KRT18: variants seen among roughly 807,000 people sequenced by gnomAD.
The protein encoded by KRT18 is keratin, type I cytoskeletal 18.
A neutral mutation model predicts 39.9 loss-of-function variants in KRT18; 8 were observed. The observed-to-expected ratio is 0.20, with a 90% CI of 0.12 to 0.36. The LOEUF (loss-of-function observed/expected upper bound fraction) is 0.36, where lower values mean the gene tolerates loss of function less well. KRT18 is among the 10% of genes least tolerant of loss of function. The pLI is 1.00. For synonymous variants in KRT18, 194 were observed against 227.8 expected, an observed-to-expected ratio of 0.85 and a Z score of 1.33; for missense variants, 396 against 565.7, an observed-to-expected ratio of 0.70 and a Z score of 3.04.
At chr12:52,949,055 C>A (rs1942406252), upstream of KRT18, 3 of 966,836 alleles carry the variant, frequency 3.1e-6, no homozygotes, top group Non-Finnish European at 4.8e-6. Flanking sequence ...GCTTCCGAAG[C>A]GGCTCCGGGG....
upstream of KRT18, chr12:52,949,104 C>T: frequency 7.4e-7 from 1 of 1,344,880 alleles, no homozygotes; most frequent in Non-Finnish European, 1.0e-6. Context: ...ACTCGGGTCG[C>T]GCGGCTCGCG....
At chr12:52,951,368 T>TC in intron 3 of KRT18, 113 bp from the exon 4 acceptor site, 1 of 1,100,726 alleles carries the variant, frequency 9.1e-7, no homozygotes, top group Non-Finnish European at 1.4e-6. Flanking sequence ...GCCAAGGGGT[T>TC]CCTCCTGTCT....
rs1419650380 is a variant in KRT18 at position 52,952,356 on chromosome 12, T to TC, written c.1172+16dup. The TC allele has an allele frequency of 6.6e-7, 1 of 1,518,436 alleles. No individual in the cohort carries two copies. The highest frequency in any genetic ancestry group is 9.0e-7 in the Non-Finnish European group (1 of 1,105,052). 94.1% of individuals were successfully genotyped at this position (1,518,436 alleles called of 1,614,324 possible). ...CGAGGACTTTAAGTGAGTGGGGCTC[T>TC]CCTACCCACACGTGCTGGGATCAGG... is the stretch of plus-strand genomic sequence containing the variant. On this transcript the variant is annotated intron_variant, in intron 6 of 6. Coordinates refer to ENST00000388835, the MANE Select transcript of KRT18 (RefSeq NM_000224.3).
rs1044002535 is a variant in KRT18 at position 52,952,311 on chromosome 12, C to T, written c.1141C>T (p.Arg381Cys). 6 of 1,606,778 alleles carry T rather than the reference C, an allele frequency of 3.7e-6. No individual in the cohort carries two copies. The highest frequency in any genetic ancestry group is 2.7e-5 in the African/African-American group (2 of 75,008). The stretch of plus-strand genomic sequence containing the variant: ...GCTGGAGGCTGAGATCGCCACCTAC[C>T]GCCGCCTGCTGGAAGATGGCGAGGA... ...VKLEAEIATYRRLLEDGEDFN... is the reference protein window; with the variant it reads ...VKLEAEIATYCRLLEDGEDFN... The change falls in exon 6 of 7, where the codon CGC becomes TGC. Residue 381 changes from arginine (R) to cysteine (C), a missense_variant. Physicochemically the swap from Arg to Cys is radical, Grantham distance 180. Coordinates refer to ENST00000388835, the MANE Select transcript of KRT18 (RefSeq NM_000224.3).
chr12:52,951,807 G>C lies in KRT18; in HGVS notation c.899G>C (p.Arg300Thr), dbSNP rs749749094. The C allele has an allele frequency of 1.2e-6, 2 of 1,610,954 alleles. No homozygotes were observed. The highest frequency in any genetic ancestry group is 1.7e-6 in the Non-Finnish European group (2 of 1,180,012). Residue 300 changes from arginine to threonine, a missense_variant, in exon 5 of 7, where the codon AGA becomes ACA. Physicochemically the swap from Arg to Thr is moderately conservative, Grantham distance 71 (BLOSUM62 -1). Coordinates refer to ENST00000388835, the MANE Select transcript of KRT18 (RefSeq NM_000224.3). ...GAAETTLTEL[R>T]RTVQSLEIDL... Reference sequence around the variant, plus strand: ...GCTGAGACGACGCTCACAGAGCTGAGACGTACAGTCCAGTCCTTGGAGATC... The same window carrying C: ...GCTGAGACGACGCTCACAGAGCTGACACGTACAGTCCAGTCCTTGGAGATC...
chr12:52,951,863 G>T lies in KRT18; in HGVS notation c.948+7G>T, dbSNP rs1271444019. 1 of 1,604,638 alleles carries T rather than the reference G, an allele frequency of 6.2e-7. No individual in the cohort carries two copies. ...GGACTCCATGAGAAATCTGGTGAGT[G>T]CCTTCACATCACCTGCCCAGCTCCT... On this transcript the variant is annotated splice_region_variant and intron_variant, in intron 5 of 6. Transcript: ENST00000388835.
At chr12:52,950,995 G>A in intron 3 of KRT18, 89 bp downstream of exon 3, 1 of 1,271,602 alleles carries the variant, frequency 7.9e-7, no homozygotes, top group South Asian at 1.3e-5. Context: ...ACTGCAAGTA[G>A]CCTTGCTAAG....
intron 2 of KRT18, 154 bp from the exon 3 acceptor site, chr12:52,950,596 A>G (rs1176323575): frequency 8.3e-6 from 7 of 846,550 alleles, no homozygotes; most frequent in South Asian, 1.5e-5. Context: ...ACTGTCCTCC[A>G]AGTGCCAAGA....
chr12:52,951,755 A>C lies in KRT18; in HGVS notation c.847A>C (p.Thr283Pro). 1 of 1,613,442 alleles carries C rather than the reference A, an allele frequency of 6.2e-7. No individual in the cohort carries two copies. The highest frequency in any genetic ancestry group is 8.5e-7 in the Non-Finnish European group (1 of 1,180,004). The change falls in exon 5 of 7, where the codon ACC becomes CCC. Residue 283 changes from threonine (T) to proline (P), a missense_variant. By Grantham distance (38) the Thr-to-Pro change is conservative (BLOSUM62 -1). Transcript: ENST00000388835. Reference sequence around the variant, plus strand: ...GATTGAGGAGAGCACCACAGTGGTCACCACACAGTCTGCTGAGGTTGGAGC... The same window carrying C: ...GATTGAGGAGAGCACCACAGTGGTCCCCACACAGTCTGCTGAGGTTGGAGC... Reference protein sequence around the residue: ...QQIEESTTVVTTQSAEVGAAE... With the variant: ...QQIEESTTVVPTQSAEVGAAE...
chr12:52,950,552 T>C, intron 2 of KRT18, 142 bp downstream of exon 2: 1 of 830,802 alleles, frequency 1.2e-6, no homozygotes, highest in Non-Finnish European at 2.1e-6. Flanking sequence ...GTGTATTCAT[T>C]TAACTGTTCA....
At position 52,949,513 on chromosome 12, in the gene KRT18, G is replaced by A; in HGVS notation, c.340G>A (p.Glu114Lys). The A allele has an allele frequency of 6.2e-7, 1 of 1,613,616 alleles. No homozygotes were observed. The highest frequency in any genetic ancestry group is 8.5e-7 in the Non-Finnish European group (1 of 1,180,034). ...CCGGAGGCTGGAGAGCAAAATCCGG[G>A]AGCACTTGGAGAAGAAGGGACCCCA... ...ENRRLESKIR[E>K]HLEKKGPQVR... The change falls in exon 1 of 7, where the codon GAG (glutamate) becomes AAG (lysine). Residue 114 changes from glutamate (E) to lysine (K), a missense_variant. Coordinates refer to ENST00000388835, the MANE Select transcript of KRT18 (RefSeq NM_000224.3).
chr12:52,949,697 G>T lies in KRT18; in HGVS notation c.417+107G>T. On this transcript the variant is annotated intron_variant, in intron 1 of 6. Coordinates refer to ENST00000388835, the MANE Select transcript of KRT18 (RefSeq NM_000224.3). ...TAACCACCCAACCCCTACTCCACCGGGAGGGGGTTGGGCATACCTGGATTT... is the reference window on the plus strand; with the variant it reads ...TAACCACCCAACCCCTACTCCACCGTGAGGGGGTTGGGCATACCTGGATTT... The T allele has an allele frequency of 9.7e-7, 1 of 1,029,892 alleles. No homozygotes were observed. Among genetic ancestry groups the T allele is most frequent in the South Asian group, 1.3e-5 (1 of 75,320 alleles). 63.8% of individuals were successfully genotyped at this position (1,029,892 alleles called of 1,614,324 possible). A position where few individuals can be genotyped will look rare whatever the true frequency, so the allele number is the denominator to read the frequency against.
chr12:52,952,855 AG>A lies in KRT18; in HGVS notation c.*16del, dbSNP rs764567917. On this transcript the variant is annotated 3_prime_UTR_variant, in exon 7 of 7. Transcript: ENST00000388835. Reference sequence around the variant, plus strand: ...TCTGAGGCATTAAGCCAGCAGAAGCAGGGTACCCTTTGGGGAGCAGGAGGCC... The same window carrying A: ...TCTGAGGCATTAAGCCAGCAGAAGCAGGTACCCTTTGGGGAGCAGGAGGCC... 1 of 1,604,878 alleles carries A rather than the reference AG, an allele frequency of 6.2e-7. No homozygotes were observed. The highest frequency in any genetic ancestry group is 1.3e-5 in the African/African-American group (1 of 75,026).
At chr12:52,951,997 C>A (rs1341012345) in intron 5 of KRT18, 122 bp from the exon 6 acceptor site, 2 of 1,311,848 alleles carry the variant, frequency 1.5e-6, no homozygotes, top group South Asian at 1.2e-5. Flanking sequence ...TTTCCCTCCA[C>A]TCCTATCCCT....
intron 5 of KRT18, 74 bp from the exon 6 acceptor site, chr12:52,952,045 G>C: frequency 7.2e-7 from 1 of 1,392,670 alleles, no homozygotes; most frequent in East Asian, 2.5e-5. Context: ...GCCCAAAAAA[G>C]TTTCCAAAAG....
chr12:52,950,728 C>G (rs1565738408), intron 2 of KRT18, 22 bp from the exon 3 acceptor site: 4 of 1,606,008 alleles, frequency 2.5e-6, no homozygotes, highest in Non-Finnish European at 3.4e-6. Flanking sequence ...AGGGGCCCCT[C>G]TGATCACCTC....
At position 52,951,665 on chromosome 12, in the gene KRT18, G is replaced by A; in HGVS notation, c.822+20G>A. ...CAGCAGGTGCGTGAGGGGAGGGGAT[G>A]GCTGCCAAGGTGTGGGAGGGAGGCA... On this transcript the variant is annotated intron_variant, in intron 4 of 6. Coordinates refer to ENST00000388835, the MANE Select transcript of KRT18 (RefSeq NM_000224.3). 1 of 1,613,388 alleles carries A rather than the reference G, an allele frequency of 6.2e-7. No homozygotes were observed. The highest frequency in any genetic ancestry group is 8.5e-7 in the Non-Finnish European group (1 of 1,179,992).
rs752822458 is a variant in KRT18 at position 52,950,858 on chromosome 12, C to T, written c.609C>T (p.Ile203=). Residue 203 remains isoleucine, a synonymous_variant, in exon 3 of 7, where the codon ATC becomes ATT. Coordinates refer to ENST00000388835, the MANE Select transcript of KRT18 (RefSeq NM_000224.3). ...CACGACTGCAGCTGGAGACAGAGAT[C>T]GAGGCTCTCAAGGAGGAGCTGCTCT... ...NITRLQLETE[I]EALKEELLFM... The T allele has an allele frequency of 1.9e-5, 31 of 1,601,644 alleles. No individual in the cohort carries two copies. The highest frequency in any genetic ancestry group is 2.7e-5 in the African/African-American group (2 of 74,676).
chr12:52,951,029 C>G (rs1942477027), intron 3 of KRT18, 123 bp downstream of exon 3: 21 of 931,804 alleles, frequency 2.3e-5, no homozygotes, highest in South Asian at 3.3e-5. Flanking sequence ...GCAGCCTGGG[C>G]TCTTCTTAAA....
Sources: allele counts gnomAD v4.1 joint callset, GRCh38; gene constraint gnomAD v4.1.1; transcripts MANE v1.5; gene names NCBI Gene and HGNC (gene_info 2026-07-23, HGNC 2026-07-21).